The following FAR2 variants were observed in gnomAD, a reference collection of about 807,000 sequenced individuals.
The protein encoded by FAR2 is fatty acyl-CoA reductase 2.
FAR2 carries 19 observed loss-of-function variants against 56.0 expected under a neutral mutation model. That is an observed-to-expected ratio of 0.34 (90% CI 0.24 to 0.50). FAR2 has a LOEUF of 0.50. Ranked by LOEUF, FAR2 falls within the 20% of genes least tolerant of loss-of-function variation. FAR2 has a pLI of 0.98. For synonymous variants in FAR2, 219 were observed against 218.8 expected, an observed-to-expected ratio of 1.00 and a Z score of -0.01; for missense variants, 508 against 642.2, an observed-to-expected ratio of 0.79 and a Z score of 2.26.
intron 4 of FAR2, among the ~76,000 whole-genome samples, chr12:29,301,117 C>T (rs1459249645): frequency 6.6e-6 from 1 of 152,148 alleles, no homozygotes; most frequent in African/African-American, 2.4e-5. Flanking sequence ...TTAGCATTAC[C>T]TTGGCCCTGA....
intron 1 of FAR2, among the ~76,000 whole-genome samples, chr12:29,192,332 GA>G (rs1950109625): frequency 6.6e-6 from 1 of 152,164 alleles, no homozygotes; most frequent in African/African-American, 2.4e-5. Flanking sequence ...TGAACAATTG[GA>G]CGCATGAAGC....
chr12:29,291,276 C>A, intron 2 of FAR2: 1 of 399,152 alleles, frequency 2.5e-6, no homozygotes, highest in Admixed American at 2.9e-5. Context: ...ATTATGGTAC[C>A]TGGACCATCA....
At chr12:29,232,821 G>GCACACACACACA (rs71042969) in intron 1 of FAR2, among the ~76,000 whole-genome samples, 1,714 of 145,922 alleles carry the variant, frequency 0.012, 31 homozygotes, top group African/African-American at 0.04. Flanking sequence ...ACGCGCTCGC[G>GCACACACACACA]CACACACACA....
At chr12:29,205,410 C>A (rs1419840081) in intron 1 of FAR2, among the ~76,000 whole-genome samples, 4 of 152,152 alleles carry the variant, frequency 2.6e-5, no homozygotes, top group African/African-American at 4.8e-5. Flanking sequence ...CCTACGTGTT[C>A]TGCTGATCTG....
intron 1 of FAR2, among the ~76,000 whole-genome samples, chr12:29,154,427 TTTTG>T (rs1949708075): frequency 2.5e-5 from 3 of 118,376 alleles, no homozygotes; most frequent in Non-Finnish European, 5.4e-5. Context: ...TTTTTTTTTG[TTTTG>T]TTTTGTTTTG....
At chr12:29,226,394 C>T (rs1947769237) in intron 1 of FAR2, among the ~76,000 whole-genome samples, 1 of 152,128 alleles carries the variant, frequency 6.6e-6, no homozygotes, top group Admixed American at 6.5e-5. Context: ...AACTCTTGTA[C>T]TTTTCATTTA....
chr12:29,276,519 C>T (rs1479246713), intron 2 of FAR2, among the ~76,000 whole-genome samples: 1 of 152,096 alleles, frequency 6.6e-6, no homozygotes. Context: ...AATCTGATAC[C>T]TGTAAAGAGA....
intron 11 of FAR2, chr12:29,332,928 C>T (rs1237254364): frequency 1.5e-6 from 1 of 652,288 alleles, no homozygotes; most frequent in African/African-American, 1.8e-5. Context: ...ACTTTTGTTA[C>T]CCCATTTTTA....
chr12:29,310,466 A>G (rs1415920303), intron 6 of FAR2, among the ~76,000 whole-genome samples: 1 of 152,208 alleles, frequency 6.6e-6, no homozygotes, highest in East Asian at 1.9e-4. Flanking sequence ...AAGATACTGA[A>G]TAAAAAGTAA....
chr12:29,286,098 C>G (rs907754684), intron 2 of FAR2, among the ~76,000 whole-genome samples: 1 of 151,664 alleles, frequency 6.6e-6, no homozygotes, highest in Non-Finnish European at 1.5e-5. Flanking sequence ...CATACACACA[C>G]ACACAACACA....
chr12:29,333,541 A>T, intron 11 of FAR2, 91 bp from the exon 12 acceptor site: 1 of 1,198,528 alleles, frequency 8.3e-7, no homozygotes, highest in Non-Finnish European at 1.2e-6. Flanking sequence ...AATACTTGCC[A>T]GTCATATCCA....
intron 10 of FAR2, among the ~76,000 whole-genome samples, chr12:29,324,917 A>T: frequency 6.6e-6 from 1 of 152,244 alleles, no homozygotes; most frequent in Non-Finnish European, 1.5e-5. Flanking sequence ...CTTAAATGTA[A>T]ATGGGCTAAA....
intron 2 of FAR2, among the ~76,000 whole-genome samples, chr12:29,292,835 G>A (rs192951690): frequency 1.3e-5 from 2 of 152,150 alleles, no homozygotes; most frequent in African/African-American, 4.8e-5. Flanking sequence ...TGGAAGTTAG[G>A]TCAGTCCTCA....
chr12:29,318,900 G>C (rs1376977711), intron 9 of FAR2, among the ~76,000 whole-genome samples: 2 of 152,094 alleles, frequency 1.3e-5, no homozygotes, highest in South Asian at 2.1e-4. Context: ...TTTGTGACTA[G>C]TGCCAGGTGA....
At chr12:29,166,095 A>G (rs1430214471) in intron 1 of FAR2, among the ~76,000 whole-genome samples, 2 of 152,216 alleles carry the variant, frequency 1.3e-5, no homozygotes, top group Non-Finnish European at 2.9e-5. Flanking sequence ...CATCTACACT[A>G]TTTATCTCCC....
intron 1 of FAR2, among the ~76,000 whole-genome samples, chr12:29,266,328 T>C (rs1948515772): frequency 1.3e-5 from 2 of 152,100 alleles, no homozygotes; most frequent in Admixed American, 6.6e-5. Context: ...TATTCAGCCA[T>C]AAAAAGAATG....
At chr12:29,187,748 T>C (rs1950057493) in intron 1 of FAR2, among the ~76,000 whole-genome samples, 1 of 152,234 alleles carries the variant, frequency 6.6e-6, no homozygotes, top group Non-Finnish European at 1.5e-5. Flanking sequence ...CTTTTGTCTA[T>C]ACTTTCTGGC....
rs548899905 is a variant in FAR2, at chr12:29,256,893, G to C, written c.-38-13519G>C. 1.7e-3 allele frequency among the ~76,000 whole-genome samples: 264 copies of C among 152,358 alleles called. 4 individuals carry two copies. The highest frequency in any genetic ancestry group is 6.8e-3 in the Middle Eastern group (2 of 294). On this transcript the variant is annotated intron_variant, in intron 1 of 11. Transcript: ENST00000536681. ...CTGCCTTCCTGTGGGACAGGGCTCG[G>C]GACCTGCAGCCTGCCATGCCTAAGC...
intron 1 of FAR2, among the ~76,000 whole-genome samples, chr12:29,207,005 G>T (rs894340826): frequency 4.4e-4 from 67 of 152,190 alleles, no homozygotes; most frequent in African/African-American, 1.6e-3. Context: ...ACAAGCTTTG[G>T]TCTGCCAACC....
Sources: allele counts gnomAD v4.1 joint callset (sites outside exome capture counted in the v4.1 genomes callset), GRCh38; gene constraint gnomAD v4.1.1; transcripts MANE v1.5; gene names NCBI Gene and HGNC (gene_info 2026-07-23, HGNC 2026-07-21).